CC2D2B: variants seen among roughly 807,000 people sequenced by gnomAD.
CC2D2B encodes the protein protein CC2D2B.
In CC2D2B, 128 loss-of-function variants were observed where a neutral mutation model predicts 161.2. The observed-to-expected ratio is 0.79, with a 90% confidence interval of 0.69 to 0.92. The LOEUF (loss-of-function observed/expected upper bound fraction) is 0.92. Ranked by LOEUF, CC2D2B falls within the 40% of genes least tolerant of loss-of-function variation. CC2D2B has a pLI of 0.00. For missense variants in CC2D2B, 1,173 were observed against 1,375.1 expected (o/e 0.85, Z 2.32); for synonymous variants, 391 against 449.8 (o/e 0.87, Z 1.65).
chr10:96,006,042 G>A (rs1037594263), intron 25 of CC2D2B, among the ~76,000 whole-genome samples: 2 of 134,074 alleles, frequency 1.5e-5, no homozygotes, highest in African/African-American at 5.0e-5. Flanking sequence ...TTTGGAAGAT[G>A]TTTGCCTATT....
intron 11 of CC2D2B, among the ~76,000 whole-genome samples, chr10:95,959,064 C>T (rs1190181897): frequency 3.3e-5 from 5 of 151,160 alleles, no homozygotes; most frequent in Non-Finnish European, 5.9e-5. Context: ...AGAATGTAAA[C>T]ATTTATATGG....
intron 33 of CC2D2B, among the ~76,000 whole-genome samples, chr10:96,025,200 T>TATATATATATAAAAAAAAAAAAAA (rs1564684582): frequency 8.5e-6 from 1 of 117,262 alleles, no homozygotes; most frequent in Non-Finnish European, 1.7e-5. Context: ...AAAATATATA[T>TATATATATATAAAAAAAAAAAAAA]ATATATATAT....
intron 17 of CC2D2B, among the ~76,000 whole-genome samples, chr10:95,976,707 GTAGA>G (rs1173631066): frequency 6.6e-6 from 1 of 152,196 alleles, no homozygotes; most frequent in African/African-American, 2.4e-5. Context: ...TGACTGAACT[GTAGA>G]TAAAGTAGTG....
chr10:96,003,039 T>G lies in CC2D2B; in HGVS notation c.2850-1113T>G, dbSNP rs1057449755. On this transcript the variant is annotated intron_variant, in intron 24 of 34. Coordinates refer to ENST00000646931, the MANE Select transcript of CC2D2B (RefSeq NM_001349008.3). Reference sequence around the variant, plus strand: ...ATAAATAAATATATATATATATATATATATAGAAATAAATAAACTAAATAA... The same window carrying G: ...ATAAATAAATATATATATATATATAGATATAGAAATAAATAAACTAAATAA... 2.3e-4 allele frequency among the ~76,000 whole-genome samples: 34 copies of G among 147,830 alleles called. 1 individual carries two copies. Among genetic ancestry groups the G allele is most frequent in the African/African-American group, 8.1e-4 (33 of 40,832 alleles).
At chr10:95,959,186 T>G (rs576769114) in intron 11 of CC2D2B, among the ~76,000 whole-genome samples, 2 of 152,350 alleles carry the variant, frequency 1.3e-5, no homozygotes, top group Non-Finnish European at 2.9e-5. Flanking sequence ...ACCATTAATT[T>G]GAAACCTTTC....
chr10:95,945,807 G>A (rs1056608180), intron 9 of CC2D2B, among the ~76,000 whole-genome samples: 4 of 127,606 alleles, frequency 3.1e-5, no homozygotes, highest in African/African-American at 6.1e-5. Context: ...TTTTTGAGAC[G>A]GAGTTTCACT....
At chr10:95,926,838 G>GTGTGTGTGTGTGTGTGTGTGTGTGTA (rs2098539719) in intron 5 of CC2D2B, among the ~76,000 whole-genome samples, 2 of 137,410 alleles carry the variant, frequency 1.5e-5, no homozygotes, top group Admixed American at 7.7e-5. Flanking sequence ...GTGTGTGTGT[G>GTGTGTGTGTGTGTGTGTGTGTGTGTA]TGTGTGTGTC....
At chr10:95,921,748 G>A (rs1184736871) in intron 2 of CC2D2B, among the ~76,000 whole-genome samples, 4 of 149,338 alleles carry the variant, frequency 2.7e-5, no homozygotes, top group Non-Finnish European at 5.9e-5. Flanking sequence ...GTTCAATAAC[G>A]AGAACACATA....
intron 16 of CC2D2B, among the ~76,000 whole-genome samples, chr10:95,973,018 C>T (rs1391705400): frequency 6.6e-6 from 1 of 152,102 alleles, no homozygotes; most frequent in Non-Finnish European, 1.5e-5. Context: ...GTTAGTGCGT[C>T]TCTGAGATCA....
intron 32 of CC2D2B, chr10:96,020,835 C>T (rs1178647646): frequency 2.6e-5 from 4 of 152,200 alleles, no homozygotes; most frequent in Non-Finnish European, 5.9e-5. Flanking sequence ...GAGTTCGAGA[C>T]CAGCCTGGGC....
intron 30 of CC2D2B, 55 bp downstream of exon 30, chr10:96,016,369 G>A: frequency 8.1e-7 from 1 of 1,230,120 alleles, no homozygotes; most frequent in East Asian, 2.3e-5. Context: ...TCAGATTTCA[G>A]CTGCAAGTTT....
intron 6 of CC2D2B, among the ~76,000 whole-genome samples, chr10:95,928,876 G>A (rs1283336263): frequency 1.3e-5 from 2 of 152,106 alleles, no homozygotes; most frequent in East Asian, 1.9e-4. Context: ...ACGTGTGCAT[G>A]TGTCTTTATA....
chr10:96,022,662 G>A (rs2079519813), intron 32 of CC2D2B: 1 of 152,086 alleles, frequency 6.6e-6, no homozygotes, highest in African/African-American at 2.4e-5. Flanking sequence ...TGTTCATTCA[G>A]GTGATATTTA....
At chr10:96,006,933 G>A (rs920434876) in intron 25 of CC2D2B, among the ~76,000 whole-genome samples, 1 of 152,034 alleles carries the variant, frequency 6.6e-6, no homozygotes, top group South Asian at 2.1e-4. Flanking sequence ...TTCCTTAAAG[G>A]TTGCTTCATA....
intron 10 of CC2D2B, among the ~76,000 whole-genome samples, chr10:95,950,749 G>T (rs545869557): frequency 6.6e-6 from 1 of 151,984 alleles, no homozygotes; most frequent in Non-Finnish European, 1.5e-5. Context: ...CCACAAAGCC[G>T]TCTCAATAAA....
At position 95,938,399 on chromosome 10, in the gene CC2D2B, T is replaced by TTA. The variant is rs1265213063; in HGVS notation, c.536-163_536-162dup. 6.6e-6 allele frequency: 4 copies of TTA among 604,186 alleles called. No homozygotes were observed. In the South Asian group the frequency reaches 6.7e-5, roughly 10 times the overall value. The allele number at this position is 604,186 out of a possible 1,614,324, so 37.4% of individuals were successfully genotyped here. ...AATGTACATATATAGGCATATGTAT[T>TTA]TATATATAGAGAGAGAGAGCGAGCG... On this transcript the variant is annotated intron_variant, in intron 7 of 34. Coordinates refer to ENST00000646931, the MANE Select transcript of CC2D2B (RefSeq NM_001349008.3).
At chr10:96,009,544 C>A (rs943682432) in intron 25 of CC2D2B, among the ~76,000 whole-genome samples, 25 of 152,114 alleles carry the variant, frequency 1.6e-4, no homozygotes, top group Non-Finnish European at 3.4e-4. Context: ...TAATATAATG[C>A]CTCCATTTCC....
intron 34 of CC2D2B, among the ~76,000 whole-genome samples, chr10:96,029,834 G>A (rs547175273): frequency 1.8e-4 from 27 of 148,082 alleles, no homozygotes; most frequent in African/African-American, 6.5e-4. Context: ...TTTTTGCGAC[G>A]AGGTCTCACT....
intron 17 of CC2D2B, among the ~76,000 whole-genome samples, chr10:95,979,154 C>G (rs1364448537): frequency 6.7e-6 from 1 of 148,588 alleles, no homozygotes; most frequent in African/African-American, 2.5e-5. Flanking sequence ...TTGATTTATA[C>G]GTTTCTGGGT....
Sources: gnomAD v4.1 joint callset for allele counts (sites outside exome capture counted in the v4.1 genomes callset) on GRCh38, gnomAD v4.1.1 for gene constraint, MANE v1.5 for transcripts, NCBI Gene and HGNC (gene_info 2026-07-23, HGNC 2026-07-21) for gene names.